HOXB3: variants seen among roughly 807,000 people sequenced by gnomAD.
The protein encoded by HOXB3 is homeobox B3, also known as homeobox protein Hox-B3.
A neutral mutation model predicts 29.2 loss-of-function variants in HOXB3; 17 were observed. The observed-to-expected ratio is 0.58, with a 90% CI of 0.40 to 0.87. The LOEUF is 0.87. HOXB3 is among the 40% of genes least tolerant of loss of function. The pLI is 0.00. For synonymous variants in HOXB3, 317 were observed against 285.9 expected (o/e 1.11, Z -1.10); for missense variants, 637 against 616.3 (o/e 1.03, Z -0.35).
At chr17:48,577,782 C>T in intron 1 of HOXB3, 15 of 1,227,980 alleles carry the variant, frequency 1.2e-5, no homozygotes, top group Non-Finnish European at 1.6e-5. Context: ...CCAGCTCAAC[C>T]CCCCCCCAAC....
At chr17:48,560,624 G>T (rs1305123299) in intron 2 of HOXB3, among the ~76,000 whole-genome samples, 1 of 152,196 alleles carries the variant, frequency 6.6e-6, no homozygotes, top group Non-Finnish European at 1.5e-5. Context: ...GATCCTGCAA[G>T]AAATTTCCTT....
At chr17:48,568,174 G>A (rs2069451406) in intron 2 of HOXB3, among the ~76,000 whole-genome samples, 1 of 152,144 alleles carries the variant, frequency 6.6e-6, no homozygotes, top group Non-Finnish European at 1.5e-5. Flanking sequence ...TTCAGAGTTG[G>A]GTTTGTTCAT....
At chr17:48,578,114 C>G (rs879199395) in intron 1 of HOXB3, 1 of 1,327,854 alleles carries the variant, frequency 7.5e-7, no homozygotes, top group South Asian at 1.9e-5. Context: ...CCCAGGGTCC[C>G]GGCAGGCCGC....
chr17:48,574,254 C>G (rs985985789), intron 1 of HOXB3: 3 of 181,316 alleles, frequency 1.7e-5, no homozygotes, highest in Admixed American at 5.6e-5. Flanking sequence ...CTATTTTCCC[C>G]CTCAACTGGG....
At chr17:48,579,040 A>AT (rs779710519) in intron 1 of HOXB3, 3 of 152,196 alleles carry the variant, frequency 2.0e-5, no homozygotes, top group Non-Finnish European at 2.9e-5. Context: ...TCGATAGGAA[A>AT]TTCATGCACT....
At chr17:48,572,898 G>A (rs2069633247) in intron 2 of HOXB3, among the ~76,000 whole-genome samples, 1 of 152,126 alleles carries the variant, frequency 6.6e-6, no homozygotes, top group South Asian at 2.1e-4. Flanking sequence ...AGGTCAAGGG[G>A]CTTCCGAGGT....
In HOXB3 at chr17:48,550,663, G is replaced by C. The variant is rs772346497; in HGVS notation, c.967C>G (p.Pro323Ala). Residue 323 changes from proline (P) to alanine (A), a missense_variant, in exon 5 of 5, where the codon CCG becomes GCG. Pro to Ala is a conservative substitution (Grantham distance 27). Transcript: ENST00000498678. ...GGCTCATACTCGGGCGCCGGGGTCG[G>C]AGGGTACTTCTGCGGGGCGCCGCAG... is the stretch of plus-strand genomic sequence containing the variant. ...KGCGAPQKYP[P>A]TPAPEYEPHV... 1 of 1,527,036 alleles carries C rather than the reference G, an allele frequency of 6.5e-7. No homozygotes were observed. The highest frequency in any genetic ancestry group is 8.8e-7 in the Non-Finnish European group (1 of 1,139,910). The allele number at this position is 1,527,036 out of a possible 1,614,324, so 94.6% of individuals were successfully genotyped here. A position where few individuals can be genotyped will look rare whatever the true frequency, so the allele number is the denominator to read the frequency against.
rs761088608 is a variant in HOXB3, at chr17:48,551,105, G to C, written c.525C>G (p.Gly175=). Residue 175 remains glycine (G), a synonymous_variant, in exon 5 of 5, where the codon GGC becomes GGG. Transcript: ENST00000498678. ...SGGSGGGGGG[G]GGGDKSPPGS... ...CCGGGGGGCTCTTGTCCCCTCCCCCGCCGCCGCCGCCACCGCCCCCGCTGC... is the reference window on the plus strand; with the variant it reads ...CCGGGGGGCTCTTGTCCCCTCCCCCCCCGCCGCCGCCACCGCCCCCGCTGC... 13 of 1,335,246 alleles carry C rather than the reference G, an allele frequency of 9.7e-6. No homozygotes were observed. Among genetic ancestry groups the C allele is most frequent in the South Asian group, 4.2e-5 (2 of 47,116 alleles). The allele number at this position is 1,335,246 out of a possible 1,614,324, so 82.7% of individuals were successfully genotyped here. A position where few individuals can be genotyped will look rare whatever the true frequency, so the allele number is the denominator to read the frequency against.
At chr17:48,589,328 C>T (rs1198007575) in intron 1 of HOXB3, among the ~76,000 whole-genome samples, 2 of 152,212 alleles carry the variant, frequency 1.3e-5, no homozygotes, top group Non-Finnish European at 2.9e-5. Context: ...CAGAGTTCTA[C>T]TTAAACACCT....
At chr17:48,557,580 C>A (rs950874721) in intron 2 of HOXB3, among the ~76,000 whole-genome samples, 2 of 152,104 alleles carry the variant, frequency 1.3e-5, no homozygotes, top group African/African-American at 4.8e-5. Flanking sequence ...CTGGGGGTAC[C>A]TATGGCCTTC....
chr17:48,550,782 G>T lies in HOXB3; in HGVS notation c.848C>A (p.Thr283Asn). The T allele has an allele frequency of 1.9e-6, 3 of 1,610,498 alleles. No homozygotes were observed. Among genetic ancestry groups the T allele is most frequent in the Non-Finnish European group, 2.5e-6 (3 of 1,177,596 alleles). ...AGFMNALHSMTPSYESPSPPA... is the reference protein window; with the variant it reads ...AGFMNALHSMNPSYESPSPPA... The stretch of plus-strand genomic sequence containing the variant: ...TGGGGACGGGCTCTCGTAGCTGGGG[G>T]TCATGGAGTGTAAGGCGTTCATGAA... The change falls in exon 5 of 5, where the codon ACC becomes AAC. Residue 283 changes from threonine to asparagine, a missense_variant. Thr to Asn is a moderately conservative substitution (Grantham distance 65, BLOSUM62 0). Coordinates refer to ENST00000498678, the MANE Select transcript of HOXB3 (RefSeq NM_001384749.1).
rs1485346244 is a variant in HOXB3 at position 48,576,769 on chromosome 17, C to T, written c.-424-2755G>A. On this transcript the variant is annotated intron_variant, in intron 1 of 4. Transcript: ENST00000498678. The stretch of plus-strand genomic sequence containing the variant: ...TTGGGCCGGCCAGGGGGCCCTCCGG[C>T]TGAGCCTGCCGCACCACCCGAGCGG... 1.9e-6 allele frequency: 3 copies of T among 1,613,750 alleles called. No individual in the cohort carries two copies. In the African/African-American group the frequency reaches 4.0e-5, roughly 22 times the overall value.
chr17:48,576,720 C>T, intron 1 of HOXB3: 7 of 1,336,974 alleles, frequency 5.2e-6, no homozygotes, highest in Non-Finnish European at 5.9e-6. Flanking sequence ...CGTGCGGGGG[C>T]ACTAGAGCGC....
chr17:48,564,022 A>C, intron 2 of HOXB3, among the ~76,000 whole-genome samples: 4 of 150,650 alleles, frequency 2.7e-5, no homozygotes, highest in South Asian at 2.1e-4. Flanking sequence ...ATTCCTCCAC[A>C]CTCGTCCTCC....
intron 3 of HOXB3, chr17:48,553,913 G>A (rs1422234922): frequency 2.6e-5 from 4 of 152,214 alleles, no homozygotes; most frequent in African/African-American, 9.7e-5. Flanking sequence ...CAGCCTAGCT[G>A]TTCAACTCCA....
At position 48,550,717 on chromosome 17, in the gene HOXB3, G is replaced by T; in HGVS notation, c.913C>A (p.Pro305Thr). ...GKAHQNAYAL[P>T]SNYQPPLKGC... Reference sequence around the variant, plus strand: ...TTGAGAGGGGGCTGGTAGTTGGAGGGCAGCGCGTAGGCATTCTGGTGGGCT... The same window carrying T: ...TTGAGAGGGGGCTGGTAGTTGGAGGTCAGCGCGTAGGCATTCTGGTGGGCT... Residue 305 changes from proline to threonine, a missense_variant, in exon 5 of 5, where the codon CCC (proline) becomes ACC (threonine). Coordinates refer to ENST00000498678, the MANE Select transcript of HOXB3 (RefSeq NM_001384749.1). The T allele has an allele frequency of 6.4e-7, 1 of 1,554,160 alleles. No individual in the cohort carries two copies. The highest frequency in any genetic ancestry group is 8.7e-7 in the Non-Finnish European group (1 of 1,148,556).
intron 2 of HOXB3, among the ~76,000 whole-genome samples, chr17:48,568,186 C>T (rs2069452273): frequency 6.6e-6 from 1 of 152,122 alleles, no homozygotes; most frequent in Non-Finnish European, 1.5e-5. Flanking sequence ...TTTGTTCATC[C>T]AGGGCTGGAG....
chr17:48,552,095 T>C lies in HOXB3; in HGVS notation c.380A>G (p.Lys127Arg), dbSNP rs1405710266. 1.2e-6 allele frequency: 2 copies of C among 1,611,724 alleles called. No individual in the cohort carries two copies. The highest frequency in any genetic ancestry group is 1.7e-6 in the Non-Finnish European group (2 of 1,178,454). Residue 127 changes from lysine (K) to arginine (R), a missense_variant, in exon 4 of 5, where the codon AAA becomes AGA. By Grantham distance (26) the Lys-to-Arg change is conservative. Transcript: ENST00000498678. ...CGPGTNSTLT[K>R]QIFPWMKESR... Reference sequence around the variant, plus strand: ...CTCTTTCATCCAGGGGAATATCTGTTTGGTGAGGGTGGAGTTGGTGCCGGG... The same window carrying C: ...CTCTTTCATCCAGGGGAATATCTGTCTGGTGAGGGTGGAGTTGGTGCCGGG...
chr17:48,576,467 CTTTTT>C (rs890616015), intron 1 of HOXB3: 3 of 386,678 alleles, frequency 7.8e-6, no homozygotes, highest in South Asian at 1.1e-4. Flanking sequence ...TTTTCTTTTT[CTTTTT>C]TTTAAGAAAG....
Sources: gnomAD v4.1 joint callset for allele counts (sites outside exome capture counted in the v4.1 genomes callset) on GRCh38, gnomAD v4.1.1 for gene constraint, MANE v1.5 for transcripts, NCBI Gene and HGNC (gene_info 2026-07-23, HGNC 2026-07-21) for gene names.